Variants in KIAA1217 observed in about 807,000 individuals in gnomAD.
The protein encoded by KIAA1217 is KIAA1217, also known as sickle tail protein homolog.
In KIAA1217, 88 loss-of-function variants were observed where a neutral mutation model predicts 163.9. That is an observed-to-expected ratio of 0.54 (90% confidence interval 0.45 to 0.64). KIAA1217 has a LOEUF of 0.64. KIAA1217 is among the 30% of genes least tolerant of loss of function. The pLI is 0.00. For missense variants in KIAA1217, 2,372 were observed against 2,475.0 expected (o/e 0.96, Z 0.88); for synonymous variants, 903 against 923.1 (o/e 0.98, Z 0.39).
intron 1 of KIAA1217, among the ~76,000 whole-genome samples, chr10:23,900,993 T>C (rs764917039): frequency 6.6e-6 from 1 of 152,122 alleles, no homozygotes; most frequent in Non-Finnish European, 1.5e-5. Context: ...ATTATGGCTG[T>C]TAATAATTAT....
chr10:24,069,138 G>C (rs1364961784), intron 2 of KIAA1217, among the ~76,000 whole-genome samples: 2 of 152,200 alleles, frequency 1.3e-5, no homozygotes, highest in African/African-American at 4.8e-5. Flanking sequence ...TCATGGGCTA[G>C]TTCAAACCAC....
intron 1 of KIAA1217, among the ~76,000 whole-genome samples, chr10:23,764,269 A>G (rs1043389811): frequency 1.3e-5 from 2 of 152,214 alleles, no homozygotes; most frequent in Non-Finnish European, 2.9e-5. Context: ...ATCTCATGCC[A>G]GTCGGAATGG....
chr10:24,266,120 C>T (rs2076211524), intron 2 of KIAA1217, among the ~76,000 whole-genome samples: 1 of 151,520 alleles, frequency 6.6e-6, no homozygotes, highest in Non-Finnish European at 1.5e-5. Flanking sequence ...ACCCTGTCGC[C>T]CAGGTTGGAG....
intron 2 of KIAA1217, among the ~76,000 whole-genome samples, chr10:24,201,660 C>G (rs1375739313): frequency 1.3e-5 from 2 of 152,122 alleles, no homozygotes; most frequent in African/African-American, 2.4e-5. Context: ...TTTCCATCTG[C>G]AAGGAACAGA....
chr10:23,772,901 C>G (rs1356434341), intron 1 of KIAA1217, among the ~76,000 whole-genome samples: 1 of 152,192 alleles, frequency 6.6e-6, no homozygotes, highest in Non-Finnish European at 1.5e-5. Flanking sequence ...TACACACAAA[C>G]AGGGAGACAC....
intron 1 of KIAA1217, among the ~76,000 whole-genome samples, chr10:23,878,851 T>C (rs1418034292): frequency 6.6e-6 from 1 of 151,830 alleles, no homozygotes; most frequent in Admixed American, 6.6e-5. Context: ...CCAGATTGGA[T>C]TTGGGGTATG....
At chr10:24,182,601 G>C (rs2066233571) in intron 2 of KIAA1217, among the ~76,000 whole-genome samples, 1 of 152,118 alleles carries the variant, frequency 6.6e-6, no homozygotes, top group African/African-American at 2.4e-5. Context: ...CTTTGGTTGG[G>C]GGTAAGCTAA....
intron 2 of KIAA1217, among the ~76,000 whole-genome samples, chr10:24,286,296 A>G (rs1264008792): frequency 6.6e-6 from 1 of 152,134 alleles, no homozygotes; most frequent in Non-Finnish European, 1.5e-5. Flanking sequence ...AAATTTTCTA[A>G]GTATTTTGAG....
intron 6 of KIAA1217, among the ~76,000 whole-genome samples, chr10:24,489,029 G>T (rs185756423): frequency 1.3e-5 from 2 of 152,160 alleles, no homozygotes; most frequent in Admixed American, 6.5e-5. Context: ...AACACTTTCT[G>T]GGGTGGGGAG....
intron 3 of KIAA1217, among the ~76,000 whole-genome samples, chr10:24,414,594 T>C (rs2058072719): frequency 6.6e-6 from 1 of 152,124 alleles, no homozygotes; most frequent in Non-Finnish European, 1.5e-5. Context: ...CTGTATGTAA[T>C]GGGGAGAGAA....
intron 14 of KIAA1217, 101 bp from the exon 15 acceptor site, chr10:24,531,729 A>C: frequency 8.1e-7 from 1 of 1,229,880 alleles, no homozygotes; most frequent in South Asian, 1.8e-5. Flanking sequence ...GAGAACAGAA[A>C]ATTTTTAAAT....
At chr10:24,429,985 A>G (rs2059463356) in intron 3 of KIAA1217, among the ~76,000 whole-genome samples, 2 of 152,120 alleles carry the variant, frequency 1.3e-5, no homozygotes, top group African/African-American at 4.8e-5. Context: ...ACTAAAAAAA[A>G]TATACAAAAA....
At chr10:24,049,820 C>T (rs183724320) in intron 2 of KIAA1217, among the ~76,000 whole-genome samples, 95 of 152,244 alleles carry the variant, frequency 6.2e-4, no homozygotes, top group African/African-American at 2.2e-3. Context: ...TGGGTTTATA[C>T]CCGGTAATGG....
intron 9 of KIAA1217, 57 bp downstream of exon 9, chr10:24,501,602 C>A (rs1306821870): frequency 1.7e-5 from 26 of 1,534,326 alleles, no homozygotes; most frequent in Non-Finnish European, 2.0e-5. Context: ...TCCTACCTTC[C>A]TTTTCCTAGG....
intron 1 of KIAA1217, among the ~76,000 whole-genome samples, chr10:23,770,814 A>G (rs917744500): frequency 4.6e-5 from 7 of 152,128 alleles, no homozygotes; most frequent in African/African-American, 9.7e-5. Context: ...TGTTTTTCCA[A>G]TGTTATGGAA....
chr10:24,545,357 A>C, intron 20 of KIAA1217: 2 of 1,371,282 alleles, frequency 1.5e-6, no homozygotes, highest in Non-Finnish European at 9.4e-7. Context: ...ACGGTGCCAG[A>C]CCAGGTGGCT....
chr10:23,733,620 ATG>A (rs1491258109), intron 1 of KIAA1217, among the ~76,000 whole-genome samples: 36 of 142,142 alleles, frequency 2.5e-4, no homozygotes, highest in African/African-American at 7.0e-4. Flanking sequence ...TTTTGTTGTT[ATG>A]TTTTTTTTTC....
intron 1 of KIAA1217, among the ~76,000 whole-genome samples, chr10:23,854,127 T>C (rs1839514998): frequency 1.3e-5 from 2 of 152,210 alleles, no homozygotes; most frequent in African/African-American, 4.8e-5. Flanking sequence ...TTTGGATCTT[T>C]CCTGCTTTCT....
At position 23,996,779 on chromosome 10, in the gene KIAA1217, T is replaced by C. The variant is rs1028153839; in HGVS notation, c.-320-10446T>C. 3.9e-5 allele frequency among the ~76,000 whole-genome samples: 6 copies of C among 152,180 alleles called. No homozygotes were observed. The East Asian group carries it at 5.8e-4, about 15-fold the overall frequency. On this transcript the variant is annotated intron_variant, in intron 1 of 18. Coordinates refer to the KIAA1217 transcript ENST00000376462. ...CTTTAACTTTGATCTTTATTGTTTT[T>C]AGTAGATTTTTCTATAAGCCTGAAT...
Sources: allele counts gnomAD v4.1 joint callset (sites outside exome capture counted in the v4.1 genomes callset), GRCh38; gene constraint gnomAD v4.1.1; transcripts MANE v1.5; gene names NCBI Gene and HGNC (gene_info 2026-07-23, HGNC 2026-07-21).